Variants in ACYP2 observed in about 807,000 individuals in gnomAD.
ACYP2 encodes the protein acylphosphatase-2.
In ACYP2, 12 loss-of-function variants were observed where a neutral mutation model predicts 11.2. The observed-to-expected ratio is 1.08, with a 90% CI of 0.69 to 1.74. The LOEUF (loss-of-function observed/expected upper bound fraction) is 1.74, where lower values mean the gene tolerates loss of function less well. Among genes scored for constraint, ACYP2 ranks in the 40% most tolerant of loss-of-function variants. The pLI is 0.00. For synonymous variants in ACYP2, 43 were observed against 32.2 expected (o/e 1.33, Z -1.13); for missense variants, 134 against 101.9 (o/e 1.31, Z -1.35).
At chr2:54,076,722 G>C (rs1454731603) in intron 4 of ACYP2, among the ~76,000 whole-genome samples, 1 of 152,176 alleles carries the variant, frequency 6.6e-6, no homozygotes, top group Non-Finnish European at 1.5e-5. Context: ...GGGAGGGAGA[G>C]AGAGAGAGGG....
At chr2:54,191,352 C>T (rs1684231279) in intron 6 of ACYP2, among the ~76,000 whole-genome samples, 1 of 152,306 alleles carries the variant, frequency 6.6e-6, no homozygotes, top group South Asian at 2.1e-4. Flanking sequence ...CCTCTCCTTG[C>T]TATTTCTTGA....
At chr2:54,238,598 T>C (rs977016262) in intron 6 of ACYP2, among the ~76,000 whole-genome samples, 1 of 152,166 alleles carries the variant, frequency 6.6e-6, no homozygotes, top group African/African-American at 2.4e-5. Flanking sequence ...GAAATATTAA[T>C]ATGTTTGAAG....
intron 6 of ACYP2, among the ~76,000 whole-genome samples, chr2:54,225,239 G>A (rs964998053): frequency 1.3e-5 from 2 of 152,184 alleles, no homozygotes; most frequent in African/African-American, 4.8e-5. Context: ...TCTAGCAGGG[G>A]TGAGCCAGGA....
intron 2 of ACYP2, among the ~76,000 whole-genome samples, chr2:54,026,505 C>T (rs1674294521): frequency 6.6e-6 from 1 of 152,148 alleles, no homozygotes; most frequent in African/African-American, 2.4e-5. Flanking sequence ...TATGGAGATT[C>T]CTTAAAGAAC....
chr2:54,096,324 GC>G, intron 4 of ACYP2, among the ~76,000 whole-genome samples: 1 of 144,826 alleles, frequency 6.9e-6, no homozygotes, highest in East Asian at 2.2e-4. Flanking sequence ...TGGCGGCCGG[GC>G]AGAGACGCTC....
At chr2:54,294,301 C>T (rs370734505) in intron 6 of ACYP2, among the ~76,000 whole-genome samples, 74 of 152,330 alleles carry the variant, frequency 4.9e-4, no homozygotes, top group African/African-American at 1.7e-3. Flanking sequence ...ATTGAAAAGA[C>T]AGTCCTATGT....
intron 4 of ACYP2, among the ~76,000 whole-genome samples, chr2:54,095,500 G>C (rs1678487396): frequency 6.6e-6 from 1 of 150,950 alleles, no homozygotes; most frequent in Non-Finnish European, 1.5e-5. Context: ...CGGGGCGGCT[G>C]GCTGGGCGGG....
At chr2:54,280,215 G>C (rs762970212) in intron 6 of ACYP2, among the ~76,000 whole-genome samples, 1 of 152,204 alleles carries the variant, frequency 6.6e-6, no homozygotes, top group Non-Finnish European at 1.5e-5. Context: ...GGGATAATAA[G>C]AGTGAAGAAG....
chr2:54,134,613 T>A (rs1163769894), intron 4 of ACYP2, among the ~76,000 whole-genome samples: 1 of 152,252 alleles, frequency 6.6e-6, no homozygotes, highest in Non-Finnish European at 1.5e-5. Context: ...AGCAGAATAT[T>A]ACTATTTTTC....
At position 54,051,288 on chromosome 2, in the gene ACYP2, A is replaced by AT. The variant is rs1418440295; in HGVS notation, c.155+239dup. On this transcript the variant is annotated intron_variant, in intron 3 of 6. Transcript: ENST00000607452. The stretch of plus-strand genomic sequence containing the variant: ...TTTGTGCAAACTTGTCAGGAAGAGC[A>AT]TAAGAAGCAGCAGCCAGATGCTTCA... 43 of 778,818 alleles carry AT rather than the reference A, an allele frequency of 5.5e-5. No homozygotes were observed. In the East Asian group the frequency reaches 9.5e-4, roughly 17 times the overall value. The allele number at this position is 778,818 out of a possible 1,614,324, so 48.2% of individuals were successfully genotyped here. A position where few individuals can be genotyped will look rare whatever the true frequency, so the allele number is the denominator to read the frequency against.
rs546443522 is a variant in ACYP2 at position 54,153,478 on chromosome 2, T to C, written c.404+14730T>C. 9.1e-4 allele frequency among the ~76,000 whole-genome samples: 132 copies of C among 145,270 alleles called. 1 individual carries two copies. The highest frequency in any genetic ancestry group is 3.2e-3 in the African/African-American group (120 of 37,078). On this transcript the variant is annotated intron_variant, in intron 6 of 6. Coordinates refer to ENST00000607452, the MANE Select transcript of ACYP2 (RefSeq NM_001320586.2). ...ACTTAGGGTTTTTTTTTTTTTTTCATGTGTGTGTGGTTCTATATAAATTTC... is the reference window on the plus strand; with the variant it reads ...ACTTAGGGTTTTTTTTTTTTTTTCACGTGTGTGTGGTTCTATATAAATTTC...
At chr2:54,220,559 T>G (rs189959391) in intron 6 of ACYP2, among the ~76,000 whole-genome samples, 9 of 152,312 alleles carry the variant, frequency 5.9e-5, no homozygotes, top group African/African-American at 2.2e-4. Flanking sequence ...CAAATGTAAA[T>G]CTCATCAAAT....
At chr2:54,152,232 C>G (rs1322546997) in intron 6 of ACYP2, among the ~76,000 whole-genome samples, 1 of 151,336 alleles carries the variant, frequency 6.6e-6, no homozygotes, top group African/African-American at 2.4e-5. Flanking sequence ...ATACTCCTGC[C>G]TCAGCCTCCT....
chr2:54,055,243 G>T (rs1676077460), intron 3 of ACYP2, among the ~76,000 whole-genome samples: 1 of 152,046 alleles, frequency 6.6e-6, no homozygotes, highest in Non-Finnish European at 1.5e-5. Flanking sequence ...CACCATGTTG[G>T]CCAAGCTGGT....
chr2:54,198,405 G>A (rs1025380294), intron 6 of ACYP2, among the ~76,000 whole-genome samples: 2 of 152,152 alleles, frequency 1.3e-5, no homozygotes, highest in East Asian at 1.9e-4. Context: ...AGTTAGGAAG[G>A]AGGCTATCAT....
chr2:54,258,786 C>T (rs1358854437), intron 6 of ACYP2, among the ~76,000 whole-genome samples: 9 of 152,128 alleles, frequency 5.9e-5, no homozygotes, highest in African/African-American at 2.2e-4. Context: ...AGTTCATTTT[C>T]TGTTGCTGTA....
chr2:54,105,473 A>T (rs56070895), intron 4 of ACYP2, among the ~76,000 whole-genome samples: 1,540 of 152,086 alleles, frequency 0.01, 33 homozygotes, highest in African/African-American at 0.036. Flanking sequence ...TAAATTTTTT[A>T]AATTTATTTA....
intron 6 of ACYP2, among the ~76,000 whole-genome samples, chr2:54,169,062 C>G (rs767594650): frequency 6.6e-6 from 1 of 152,142 alleles, no homozygotes; most frequent in African/African-American, 2.4e-5. Flanking sequence ...ATTTTTCTAC[C>G]TAAATAATTT....
chr2:54,295,263 T>G (rs1411713736), intron 6 of ACYP2, among the ~76,000 whole-genome samples: 2 of 152,252 alleles, frequency 1.3e-5, no homozygotes, highest in Non-Finnish European at 2.9e-5. Context: ...TTGGTTCACC[T>G]GCTTCTATTC....
Sources: gnomAD v4.1 joint callset for allele counts (sites outside exome capture counted in the v4.1 genomes callset) on GRCh38, gnomAD v4.1.1 for gene constraint, MANE v1.5 for transcripts, NCBI Gene and HGNC (gene_info 2026-07-23, HGNC 2026-07-21) for gene names.